CAPN11: variants seen among roughly 807,000 people sequenced by gnomAD.
The protein encoded by CAPN11 is calpain-11.
Under a neutral mutation model 105.3 loss-of-function variants are expected in CAPN11, and 108 were observed. That is an observed-to-expected ratio of 1.03 (90% confidence interval 0.88 to 1.20). The LOEUF is 1.20. Ranked by LOEUF, CAPN11 falls within the 50% of genes most tolerant of loss-of-function variation. The pLI is 0.00. For synonymous variants in CAPN11, 329 were observed against 344.5 expected, an observed-to-expected ratio of 0.96 and a Z score of 0.50; for missense variants, 883 against 924.8, an observed-to-expected ratio of 0.95 and a Z score of 0.59.
At position 44,180,474 on chromosome 6, in the gene CAPN11, T is replaced by G; in HGVS notation, c.1655T>G (p.Val552Gly). 6.2e-7 allele frequency: 1 copy of G among 1,613,374 alleles called. No individual in the cohort carries two copies. The highest frequency in any genetic ancestry group is 8.5e-7 in the Non-Finnish European group (1 of 1,179,762). The change falls in exon 15 of 23, where the codon GTC becomes GGC. Residue 552 changes from valine (V) to glycine (G), a missense_variant. By Grantham distance (109) the Val-to-Gly change is moderately radical. Coordinates refer to ENST00000398776, the MANE Select transcript of CAPN11 (RefSeq NM_007058.4). Reference sequence around the variant, plus strand: ...ATTTTGCCCAGGGAATTGGATGAAGTCAACTATGCTGAGCAACTCCAAGAG... The same window carrying G: ...ATTTTGCCCAGGGAATTGGATGAAGGCAACTATGCTGAGCAACTCCAAGAG... ...KHSESWELDEVNYAEQLQEEK... is the reference protein window; with the variant it reads ...KHSESWELDEGNYAEQLQEEK...
At chr6:44,161,889 T>C (rs1169614418) in intron 1 of CAPN11, 5 of 456,094 alleles carry the variant, frequency 1.1e-5, no homozygotes, top group Non-Finnish European at 1.8e-5. Flanking sequence ...GTTTGCCTTA[T>C]CGTGTGAATG....
intron 2 of CAPN11, among the ~76,000 whole-genome samples, chr6:44,167,192 ACT>A (rs1443753318): frequency 6.7e-6 from 1 of 149,728 alleles, no homozygotes; most frequent in Non-Finnish European, 1.5e-5. Flanking sequence ...CATTATTTCC[ACT>A]CTCCTTAAAA....
intron 12 of CAPN11, 41 bp from the exon 13 acceptor site, chr6:44,179,578 C>T: frequency 6.2e-7 from 1 of 1,604,998 alleles, no homozygotes; most frequent in South Asian, 1.1e-5. Context: ...AGGCCCTTCA[C>T]CACCCTAGAG....
chr6:44,177,156 T>C, intron 11 of CAPN11, 86 bp from the exon 12 acceptor site: 4 of 1,484,986 alleles, frequency 2.7e-6, no homozygotes, highest in Non-Finnish European at 3.6e-6. Flanking sequence ...ACAGCTCCAG[T>C]GTGGCTGGGG....
In CAPN11 at chr6:44,180,148, A is replaced by G; in HGVS notation, c.1625A>G (p.Lys542Arg). 2 of 1,611,416 alleles carry G rather than the reference A, an allele frequency of 1.2e-6. No individual in the cohort carries two copies. Among genetic ancestry groups the G allele is most frequent in the Non-Finnish European group, 1.7e-6 (2 of 1,178,802 alleles). ...ADFLLRVFTE[K>R]HSESWELDEV... ...TTCCTGCTTCGGGTCTTCACCGAGA[A>G]GCACAGCGAGTCATGGTAAGGGGCT... Residue 542 changes from lysine to arginine, a missense_variant, in exon 14 of 23, where the codon AAG becomes AGG. Transcript: ENST00000398776.
chr6:44,172,794 G>A (rs1439443832), intron 5 of CAPN11, 146 bp from the exon 6 acceptor site: 1 of 888,902 alleles, frequency 1.1e-6, no homozygotes, highest in East Asian at 2.7e-5. Flanking sequence ...GGCGGGGCCG[G>A]GCTCAGGCTT....
rs1395634947 is a variant in CAPN11, at chr6:44,180,662, G to C, written c.1746G>C (p.Glu582Asp). The part of the protein sequence containing the change: ...FLHLFKIVAG[E>D]GKEIGVYELQ... ...ATTTGTTTAAGATAGTGGCAGGAGA[G>C]GTGAGCAGGCCACGAGCGGAGGGCT... Residue 582 changes from glutamate to aspartate, a missense_variant and splice_region_variant, in exon 16 of 23, where the codon GAG becomes GAC. Glu to Asp is a conservative substitution (Grantham distance 45). Coordinates refer to ENST00000398776, the MANE Select transcript of CAPN11 (RefSeq NM_007058.4). 6.2e-7 allele frequency: 1 copy of C among 1,613,810 alleles called. No homozygotes were observed. The highest frequency in any genetic ancestry group is 1.1e-5 in the South Asian group (1 of 91,066).
rs1004695583 is a variant in CAPN11, at chr6:44,184,133, T to C, written c.*201T>C. ...TGCCCACTCCCCCAGCTCAGAGGCT[T>C]TCTCTTTTTTCCCCAACCCGGCTTC... is the stretch of plus-strand genomic sequence containing the variant. On this transcript the variant is annotated 3_prime_UTR_variant, in exon 23 of 23. Transcript: ENST00000398776. 12 of 592,156 alleles carry C rather than the reference T, an allele frequency of 2.0e-5. No individual in the cohort carries two copies. The East Asian group carries it at 3.3e-4, about 16-fold the overall frequency. 36.7% of individuals were successfully genotyped at this position (592,156 alleles called of 1,614,324 possible).
rs1435734259 is a variant in CAPN11, at chr6:44,166,796, T to A, written c.55T>A (p.Ser19Thr). The A allele has an allele frequency of 5.2e-6, 8 of 1,551,996 alleles. No homozygotes were observed. Among genetic ancestry groups the A allele is most frequent in the Non-Finnish European group, 6.1e-6 (7 of 1,147,018 alleles). The change falls in exon 2 of 23, where the codon TCA becomes ACA. Residue 19 changes from serine to threonine, a missense_variant. Coordinates refer to ENST00000398776, the MANE Select transcript of CAPN11 (RefSeq NM_007058.4). Reference protein sequence around the residue: ...LPESAESLDGSQEDKPRGSCA... With the variant: ...LPESAESLDGTQEDKPRGSCA... ...GGAGTCAGCAGAGAGCCTGGATGGA[T>A]CACAGGAGGATAAGCCTCGGGGCTC...
chr6:44,166,430 C>A (rs534191314), intron 1 of CAPN11, among the ~76,000 whole-genome samples: 3 of 152,298 alleles, frequency 2.0e-5, no homozygotes, highest in Non-Finnish European at 4.4e-5. Context: ...ATTGCAGGTA[C>A]CCCCTTGTAG....
intron 1 of CAPN11, 118 bp from the exon 2 acceptor site, chr6:44,166,640 C>T (rs1769909529): frequency 1.2e-5 from 9 of 739,162 alleles, no homozygotes; most frequent in South Asian, 1.6e-5. Context: ...CCTGTAGCTG[C>T]GCCCCAACCC....
Position 44,184,241 on chromosome 6 carries a change from G to A in CAPN11, c.*309G>A, listed in dbSNP as rs1774216329. On this transcript the variant is annotated 3_prime_UTR_variant, in exon 23 of 23. Transcript: ENST00000398776. ...TTGATGCTTCCCCAGGGTCCCCCTG[G>A]CTGGGGAGGCCAAGAATAGGGAAGG... The A allele has an allele frequency of 2.2e-6, 1 of 458,158 alleles. No homozygotes were observed. The highest frequency in any genetic ancestry group is 3.8e-5 in the East Asian group (1 of 26,472). The allele number at this position is 458,158 out of a possible 1,614,324, so 28.4% of individuals were successfully genotyped here. A position where few individuals can be genotyped will look rare whatever the true frequency, so the allele number is the denominator to read the frequency against.
At chr6:44,167,835 G>A (rs979798525) in intron 2 of CAPN11, among the ~76,000 whole-genome samples, 12 of 151,778 alleles carry the variant, frequency 7.9e-5, no homozygotes, top group African/African-American at 2.9e-4. Context: ...AAGATAATTT[G>A]AGCCCAGGAG....
At chr6:44,170,774 G>A (rs957327262) in intron 4 of CAPN11, among the ~76,000 whole-genome samples, 19 of 152,188 alleles carry the variant, frequency 1.2e-4, no homozygotes, top group African/African-American at 4.3e-4. Context: ...TCAATCTGGG[G>A]TATCAAATAG....
At chr6:44,181,393 G>C (rs892287425) in intron 19 of CAPN11, 73 bp downstream of exon 19, 1 of 1,195,754 alleles carries the variant, frequency 8.4e-7, no homozygotes, top group Non-Finnish European at 1.2e-6. Context: ...ACTAATGAGG[G>C]GAAGCTAGAA....
At chr6:44,170,864 G>A (rs931563571) in intron 4 of CAPN11, among the ~76,000 whole-genome samples, 7 of 151,970 alleles carry the variant, frequency 4.6e-5, no homozygotes, top group Admixed American at 2.0e-4. Flanking sequence ...CCCTAAGTCT[G>A]GTCCCGTTCA....
chr6:44,182,812 G>T (rs1774008582), intron 19 of CAPN11, 129 bp from the exon 20 acceptor site: 1 of 663,350 alleles, frequency 1.5e-6, no homozygotes, highest in Non-Finnish European at 2.7e-6. Context: ...GACCTCAGAT[G>T]ATCCGCCTGC....
intron 19 of CAPN11, 133 bp downstream of exon 19, chr6:44,181,453 A>ATACAGACACAACCACACCACACT (rs1773193266): frequency 4.9e-6 from 2 of 404,280 alleles, no homozygotes; most frequent in Non-Finnish European, 8.2e-6. Context: ...CCACACTCAC[A>ATACAGACACAACCACACCACACT]CACACACACA....
At position 44,183,175 on chromosome 6, in the gene CAPN11, G is replaced by C. The variant is rs748888346; in HGVS notation, c.2074G>C (p.Asp692His). 1.9e-6 allele frequency: 3 copies of C among 1,613,710 alleles called. No individual in the cohort carries two copies. The Admixed American group carries it at 5.0e-5, about 27-fold the overall frequency. The change falls in exon 21 of 23, where the codon GAC (aspartate) becomes CAC (histidine). Residue 692 changes from aspartate to histidine, a missense_variant. Asp to His is a moderately conservative substitution (Grantham distance 81). Transcript: ENST00000398776. ...QVLVARYADDDLIIDFDSFIS... is the reference protein window; with the variant it reads ...QVLVARYADDHLIIDFDSFIS... ...CCTGGTGGCCAGGTATGCAGATGATGACCTGATCATAGACTTTGACAGCTT... is the reference window on the plus strand; with the variant it reads ...CCTGGTGGCCAGGTATGCAGATGATCACCTGATCATAGACTTTGACAGCTT...
Sources: gnomAD v4.1 joint callset for allele counts (sites outside exome capture counted in the v4.1 genomes callset) on GRCh38, gnomAD v4.1.1 for gene constraint, MANE v1.5 for transcripts, NCBI Gene and HGNC (gene_info 2026-07-23, HGNC 2026-07-21) for gene names.